Variants in CTSS observed in about 807,000 individuals in gnomAD.
CTSS encodes cathepsin S.
A neutral mutation model predicts 39.9 loss-of-function variants in CTSS; 15 were observed. The observed-to-expected ratio is 0.38, with a 90% CI of 0.25 to 0.58. The LOEUF (loss-of-function observed/expected upper bound fraction) is 0.58. Ranked by LOEUF, CTSS falls within the 20% of genes least tolerant of loss-of-function variation. The pLI is 0.70. For missense variants in CTSS, 250 were observed against 398.2 expected (o/e 0.63, Z 3.17); for synonymous variants, 126 against 138.2 (o/e 0.91, Z 0.62).
At chr1:150,761,922 C>A (rs587682454) in intron 2 of CTSS, among the ~76,000 whole-genome samples, 1 of 152,224 alleles carries the variant, frequency 6.6e-6, no homozygotes, top group African/African-American at 2.4e-5. Context: ...ATAGAAAAAA[C>A]AATCCTCAAA....
chr1:150,752,184 C>A lies in CTSS; in HGVS notation c.400-176G>T, dbSNP rs587667412. Among the ~76,000 whole-genome samples, 12 of 152,276 alleles carry A rather than the reference C, an allele frequency of 7.9e-5. No homozygotes were observed. In the East Asian group the frequency reaches 2.3e-3, roughly 29 times the overall value. On this transcript the variant is annotated intron_variant, in intron 4 of 7. Coordinates refer to ENST00000368985, the MANE Select transcript of CTSS (RefSeq NM_004079.5). Reference sequence around the variant, plus strand: ...ATGGGAATGAAGACTAAATTTAACTCAATTGTTATCTAGGCAAGGTCCAAC... The same window carrying A: ...ATGGGAATGAAGACTAAATTTAACTAAATTGTTATCTAGGCAAGGTCCAAC...
intron 7 of CTSS, 114 bp downstream of exon 7, chr1:150,747,663 G>A: frequency 1.4e-6 from 1 of 716,704 alleles, no homozygotes; most frequent in Non-Finnish European, 2.4e-6. Context: ...AAGCTATAAA[G>A]TTCATCATTG....
Position 150,764,722 on chromosome 1 carries a change from T to C in CTSS, c.42A>G (p.Ala14=). The change falls in exon 2 of 8, where the codon GCA becomes GCG. Residue 14 remains alanine, a synonymous_variant. Coordinates refer to ENST00000368985, the MANE Select transcript of CTSS (RefSeq NM_004079.5). ...LVCVLLVCSS[A]VAQLHKDPTL... ...TAGGATCTTTATGCAACTGTGCCAC[T>C]GCAGAGGAGCACACCAAGAGCACAC... The C allele has an allele frequency of 6.2e-7, 1 of 1,614,152 alleles. No homozygotes were observed. The highest frequency in any genetic ancestry group is 1.3e-5 in the African/African-American group (1 of 75,046).
intron 4 of CTSS, among the ~76,000 whole-genome samples, chr1:150,753,470 C>T (rs1246617210): frequency 6.6e-6 from 1 of 152,210 alleles, no homozygotes; most frequent in Non-Finnish European, 1.5e-5. Flanking sequence ...CTTTGAAACT[C>T]ACAAGTGAAA....
chr1:150,756,503 C>T (rs1387100330), intron 3 of CTSS, among the ~76,000 whole-genome samples: 1 of 152,130 alleles, frequency 6.6e-6, no homozygotes, highest in African/African-American at 2.4e-5. Flanking sequence ...TTGTTTACAG[C>T]AGCATCACCA....
At chr1:150,765,124 T>G (rs1022485757) in intron 1 of CTSS, among the ~76,000 whole-genome samples, 1 of 152,016 alleles carries the variant, frequency 6.6e-6, no homozygotes, top group Middle Eastern at 3.4e-3. Flanking sequence ...AAATCATCCT[T>G]AAGAGAGACA....
At chr1:150,759,235 T>C (rs1044226564) in intron 2 of CTSS, among the ~76,000 whole-genome samples, 1 of 151,980 alleles carries the variant, frequency 6.6e-6, no homozygotes, top group Non-Finnish European at 1.5e-5. Context: ...GGTTTCTTTA[T>C]TTACCTTCGG....
Position 150,757,905 on chromosome 1 carries a change from T to C in CTSS, c.202A>G (p.Met68Val). The change falls in exon 3 of 8, where the codon ATG becomes GTG. Residue 68 changes from methionine to valine, a missense_variant. By Grantham distance (21) the Met-to-Val change is conservative. Coordinates refer to ENST00000368985, the MANE Select transcript of CTSS (RefSeq NM_004079.5). Reference sequence around the variant, plus strand: ...CCCAGATCGTATGAGTGCATTCCCATTGAATGCTCCAGGTTGTGAAGCATC... The same window carrying C: ...CCCAGATCGTATGAGTGCATTCCCACTGAATGCTCCAGGTTGTGAAGCATC... ...FVMLHNLEHS[M>V]GMHSYDLGMN... 1.2e-6 allele frequency: 2 copies of C among 1,613,154 alleles called. No homozygotes were observed. Among genetic ancestry groups the C allele is most frequent in the South Asian group, 1.1e-5 (1 of 91,044 alleles).
chr1:150,763,404 T>C (rs1653304062), intron 2 of CTSS, among the ~76,000 whole-genome samples: 2 of 152,134 alleles, frequency 1.3e-5, no homozygotes, highest in Admixed American at 6.6e-5. Context: ...ATAATAATAA[T>C]GTATTTTATA....
At chr1:150,760,521 A>G (rs1653231664) in intron 2 of CTSS, among the ~76,000 whole-genome samples, 1 of 152,318 alleles carries the variant, frequency 6.6e-6, no homozygotes, top group Non-Finnish European at 1.5e-5. Context: ...TTAGGCAAGA[A>G]AAATAAATAC....
intron 7 of CTSS, 25 bp downstream of exon 7, chr1:150,747,752 T>C (rs376919416): frequency 1.4e-6 from 2 of 1,469,026 alleles, no homozygotes; most frequent in African/African-American, 2.8e-5. Flanking sequence ...TGATTCCAAT[T>C]AAATATAAAG....
intron 4 of CTSS, among the ~76,000 whole-genome samples, chr1:150,754,430 C>CTT (rs35667418): frequency 5.9e-4 from 80 of 135,170 alleles, no homozygotes; most frequent in Admixed American, 1.6e-3. Context: ...TATACTTTAC[C>CTT]TTTTTTTTTT....
chr1:150,758,050 G>C, intron 2 of CTSS, 70 bp from the exon 3 acceptor site: 2 of 1,497,236 alleles, frequency 1.3e-6, no homozygotes, highest in East Asian at 2.3e-5. Context: ...GATGAAAATG[G>C]CAATTTTTTT....
intron 4 of CTSS, among the ~76,000 whole-genome samples, chr1:150,754,342 G>A (rs1014582843): frequency 1.3e-5 from 2 of 151,604 alleles, no homozygotes; most frequent in African/African-American, 4.8e-5. Context: ...TCGAACTCCT[G>A]ACCTCAAGTG....
chr1:150,734,905 T>C (rs115539008), intron 7 of CTSS, among the ~76,000 whole-genome samples: 1,755 of 152,316 alleles, frequency 0.012, 12 homozygotes, highest in Non-Finnish European at 0.019. Flanking sequence ...TGAGATTTTA[T>C]AGTGGTAGGT....
intron 3 of CTSS, 22 bp downstream of exon 3, chr1:150,757,836 G>T (rs768034655): frequency 7.5e-6 from 12 of 1,603,390 alleles, no homozygotes; most frequent in Non-Finnish European, 9.4e-6. Context: ...CGTGAAAGTG[G>T]GATTTCTTGT....
intron 2 of CTSS, among the ~76,000 whole-genome samples, chr1:150,764,209 C>T (rs1421494010): frequency 6.6e-6 from 1 of 152,062 alleles, no homozygotes; most frequent in African/African-American, 2.4e-5. Flanking sequence ...GTACCAAGAA[C>T]AGTATCTGGC....
chr1:150,751,913 C>G lies in CTSS; in HGVS notation c.495G>C (p.Gln165His). The change falls in exon 5 of 8, where the codon CAG becomes CAC. Residue 165 changes from glutamine (Q) to histidine (H), a missense_variant. Coordinates refer to ENST00000368985, the MANE Select transcript of CTSS (RefSeq NM_004079.5). ...KTGKLVSLSA[Q>H]NLVDCSTEKY... ...TTTCAGTTGAGCAATCCACCAGGTT[C>G]TGGGCACTGAGAGACACCAGCTTTC... The G allele has an allele frequency of 6.2e-7, 1 of 1,614,226 alleles. No individual in the cohort carries two copies. Among genetic ancestry groups the G allele is most frequent in the East Asian group, 2.2e-5 (1 of 44,882 alleles).
rs369047855 is a variant in CTSS, at chr1:150,760,029, G to GA, written c.127-2050dup. On this transcript the variant is annotated intron_variant, in intron 2 of 7. Coordinates refer to ENST00000368985, the MANE Select transcript of CTSS (RefSeq NM_004079.5). The stretch of plus-strand genomic sequence containing the variant: ...ACAAATCTAACTAAGTGCAAGAAAG[G>GA]AAAAAAAAAAAAAGAAGTGCACTTT... 5.0e-3 allele frequency among the ~76,000 whole-genome samples: 695 copies of GA among 138,218 alleles called. 5 individuals are homozygous for GA. The highest frequency in any genetic ancestry group is 9.3e-3 in the East Asian group (45 of 4,854). The allele number at this position is 138,218 out of a possible 152,430, so 90.7% of individuals were successfully genotyped here.
Sources: allele counts gnomAD v4.1 joint callset (sites outside exome capture counted in the v4.1 genomes callset), GRCh38; gene constraint gnomAD v4.1.1; transcripts MANE v1.5; gene names NCBI Gene and HGNC (gene_info 2026-07-23, HGNC 2026-07-21).